The following ORC3 variants were observed in gnomAD, a reference collection of about 807,000 sequenced individuals.
ORC3 encodes homolog of latheo, Drosophila.
Under a neutral mutation model 100.7 loss-of-function variants are expected in ORC3, and 78 were observed. That is an observed-to-expected ratio of 0.77 (90% CI 0.65 to 0.94). The LOEUF is 0.94. ORC3 is among the 40% of genes least tolerant of loss of function. The pLI is 0.00. For missense variants in ORC3, 789 were observed against 823.9 expected (o/e 0.96, Z 0.52); for synonymous variants, 295 against 289.3 (o/e 1.02, Z -0.20).
chr6:87,601,832 G>C lies in ORC3; in HGVS notation c.128G>C (p.Arg43Pro). 6.2e-7 allele frequency: 1 copy of C among 1,611,984 alleles called. No homozygotes were observed. Among genetic ancestry groups the C allele is most frequent in the Non-Finnish European group, 8.5e-7 (1 of 1,178,110 alleles). ...GKNEPEDSKL[R>P]FETYQLIWQQ... ...AATGAGCCTGAGGACAGTAAGCTTC[G>C]ATTCGAAACTTATCAGTTGATATGG... The change falls in exon 3 of 20, where the codon CGA becomes CCA. Residue 43 changes from arginine to proline, a missense_variant. Around this residue, in one of 3 missense-constraint regions of ORC3, gnomAD observed 399 missense variants for 382.0 expected, o/e 1.04. Coordinates refer to ENST00000392844, the MANE Select transcript of ORC3 (RefSeq NM_012381.4).
rs554337067 is a variant in ORC3 at position 87,597,469 on chromosome 6, A to T, written c.79+3062A>T. On this transcript the variant is annotated intron_variant, in intron 2 of 19. Transcript: ENST00000392844. ...TGGGGCCTAAGTGTTAGAATTTTTC[A>T]AAAGCTCCCCACAGGGTTATTGAGT... 2.6e-5 allele frequency among the ~76,000 whole-genome samples: 4 copies of T among 152,224 alleles called. 1 individual carries two copies. In the South Asian group the frequency reaches 8.3e-4, roughly 32 times the overall value.
the ORC3 span, chr6:87,675,034 C>T: frequency 1.4e-5 from 2 of 148,000 alleles, no homozygotes; most frequent in African/African-American, 5.1e-5. Context: ...GTTAAAAAGA[C>T]TGATAGAATA....
intron 7 of ORC3, among the ~76,000 whole-genome samples, chr6:87,610,939 T>TC (rs1211712885): frequency 2.1e-5 from 3 of 144,948 alleles, no homozygotes; most frequent in African/African-American, 5.0e-5. Flanking sequence ...CTTTTCTTTT[T>TC]TTTTTTTTTT....
intron 13 of ORC3, among the ~76,000 whole-genome samples, chr6:87,652,035 A>G (rs1769314252): frequency 6.6e-6 from 1 of 151,498 alleles, no homozygotes; most frequent in South Asian, 2.1e-4. Context: ...AGTAGCTGGG[A>G]CTACAGGCGC....
intron 2 of ORC3, among the ~76,000 whole-genome samples, chr6:87,598,733 C>T (rs1001051431): frequency 2.6e-5 from 4 of 151,262 alleles, no homozygotes; most frequent in African/African-American, 9.7e-5. Flanking sequence ...GAGGAATTGA[C>T]CCTGATTATA....
chr6:87,660,628 T>G (rs1331972419), intron 16 of ORC3, among the ~76,000 whole-genome samples: 1 of 152,222 alleles, frequency 6.6e-6, no homozygotes, highest in East Asian at 1.9e-4. Flanking sequence ...TGCCAGATCT[T>G]GAGAGATGAG....
At chr6:87,595,277 G>C (rs1777348375) in intron 2 of ORC3, 1 of 152,214 alleles carries the variant, frequency 6.6e-6, no homozygotes, top group African/African-American at 2.4e-5. Context: ...TGGCCCTGCT[G>C]TTTAACCTTT....
At chr6:87,608,521 A>G (rs1267859164) in intron 6 of ORC3, among the ~76,000 whole-genome samples, 2 of 152,192 alleles carry the variant, frequency 1.3e-5, no homozygotes, top group Admixed American at 6.5e-5. Flanking sequence ...GTGAAGTTTC[A>G]TTTTGCTTTA....
At chr6:87,650,799 G>A in intron 13 of ORC3, 1 of 186,186 alleles carries the variant, frequency 5.4e-6, no homozygotes, top group Non-Finnish European at 1.2e-5. Flanking sequence ...CCTGAGGTCA[G>A]GAGTTCGAGA....
the ORC3 span, among the ~76,000 whole-genome samples, chr6:87,676,852 A>G: frequency 2.6e-5 from 4 of 151,360 alleles, no homozygotes; most frequent in East Asian, 1.9e-4. Flanking sequence ...CAAGGCGGGC[A>G]GATCACGAGG....
intron 15 of ORC3, among the ~76,000 whole-genome samples, chr6:87,657,484 C>CT (rs1234314479): frequency 6.6e-6 from 1 of 152,148 alleles, no homozygotes; most frequent in Admixed American, 6.5e-5. Flanking sequence ...GAAGAACCTT[C>CT]TTTGTACTGT....
At position 87,593,842 on chromosome 6, in the gene ORC3, T is replaced by C. The variant is rs1205749071; in HGVS notation, c.25-511T>C. 2.0e-5 allele frequency among the ~76,000 whole-genome samples: 3 copies of C among 152,140 alleles called. No individual in the cohort carries two copies. The East Asian group carries it at 5.8e-4, about 29-fold the overall frequency. On this transcript the variant is annotated intron_variant, in intron 1 of 19. Transcript: ENST00000392844. Reference sequence around the variant, plus strand: ...CTCCCGAGTAGCTGGGATTACAGGCTCACACCAACACGCCTGGCTAATTTT... The same window carrying C: ...CTCCCGAGTAGCTGGGATTACAGGCCCACACCAACACGCCTGGCTAATTTT...
In ORC3 at chr6:87,599,617, T is replaced by G. The variant is rs1777738666; in HGVS notation, c.80-2167T>G. 2.7e-5 allele frequency among the ~76,000 whole-genome samples: 4 copies of G among 150,926 alleles called. No individual in the cohort carries two copies. The South Asian group carries it at 8.4e-4, about 32-fold the overall frequency. On this transcript the variant is annotated intron_variant, in intron 2 of 19. Coordinates refer to ENST00000392844, the MANE Select transcript of ORC3 (RefSeq NM_012381.4). ...TCCTGAGCTAATGAACCGCCCACCT[T>G]GGCCTCCCAAAGCGCTGGGATTACA...
the ORC3 span, among the ~76,000 whole-genome samples, chr6:87,673,641 G>A: frequency 6.6e-6 from 1 of 152,138 alleles, no homozygotes; most frequent in Admixed American, 6.5e-5. Context: ...AAGAGATCGA[G>A]ACCATCCTGG....
chr6:87,647,183 C>T (rs1768862870), intron 13 of ORC3, among the ~76,000 whole-genome samples: 1 of 152,118 alleles, frequency 6.6e-6, no homozygotes, highest in Non-Finnish European at 1.5e-5. Context: ...TGCTCAAAAC[C>T]CTCCGTTAAC....
chr6:87,613,136 A>T (rs990373832), intron 8 of ORC3, among the ~76,000 whole-genome samples: 1 of 152,182 alleles, frequency 6.6e-6, no homozygotes, highest in African/African-American at 2.4e-5. Flanking sequence ...GCAATTTACA[A>T]AAGAAAGAGG....
chr6:87,629,611 T>C (rs1767230747), intron 11 of ORC3, among the ~76,000 whole-genome samples: 1 of 152,116 alleles, frequency 6.6e-6, no homozygotes, highest in Admixed American at 6.6e-5. Context: ...TTGTTACATA[T>C]TGGATGATGG....
At chr6:87,651,774 C>G (rs899829169) in intron 13 of ORC3, among the ~76,000 whole-genome samples, 7 of 152,088 alleles carry the variant, frequency 4.6e-5, no homozygotes, top group African/African-American at 1.7e-4. Flanking sequence ...TTCTTTCTCC[C>G]AAGTTAGCAA....
downstream of ORC3, among the ~76,000 whole-genome samples, chr6:87,669,522 T>C (rs1770787891): frequency 6.6e-6 from 1 of 152,236 alleles, no homozygotes; most frequent in Admixed American, 6.5e-5. Flanking sequence ...CCTTGACACC[T>C]TGGAATCCAT....
Sources: gnomAD v4.1 joint callset for allele counts (sites outside exome capture counted in the v4.1 genomes callset) on GRCh38, gnomAD v4.1.1 for gene constraint, gnomAD v4.1.1 regional missense constraint, MANE v1.5 for transcripts, NCBI Gene and HGNC (gene_info 2026-07-23, HGNC 2026-07-21) for gene names.